ADGRG6: variants seen among roughly 807,000 people sequenced by gnomAD.
ADGRG6 encodes adhesion G protein-coupled receptor G6.
ADGRG6 carries 84 observed loss-of-function variants against 142.4 expected under a neutral mutation model. The ratio of observed to expected loss-of-function variants is 0.59; its 90% CI spans 0.49 to 0.71. The LOEUF (loss-of-function observed/expected upper bound fraction) is 0.71, where lower values mean the gene tolerates loss of function less well. Among genes scored for constraint, ADGRG6 ranks in the 30% least tolerant of loss-of-function variants. The pLI is 0.00. For synonymous variants in ADGRG6, 521 were observed against 520.5 expected (o/e 1.00, Z -0.01); for missense variants, 1,367 against 1,466.6 (o/e 0.93, Z 1.11).
intron 2 of ADGRG6, among the ~76,000 whole-genome samples, chr6:142,344,850 GT>G (rs1174518657): frequency 1.3e-5 from 2 of 151,910 alleles, no homozygotes; most frequent in African/African-American, 4.8e-5. Flanking sequence ...CCATCAAGTT[GT>G]TTTGTGATAA....
chr6:142,397,768 T>G lies in ADGRG6; in HGVS notation c.1567+13T>G, dbSNP rs564069423. On this transcript the variant is annotated intron_variant, in intron 10 of 24. Coordinates refer to ENST00000367609, the MANE Select transcript of ADGRG6 (RefSeq NM_198569.3). ...GTGAGACAACTGGGTAAGTGACTAA[T>G]TTTTTTATAATATGCATTTTATACA... The G allele has an allele frequency of 3.3e-6, 5 of 1,507,680 alleles. No homozygotes were observed. In the African/African-American group the frequency reaches 7.2e-5, roughly 22 times the overall value. 93.4% of individuals were successfully genotyped at this position (1,507,680 alleles called of 1,614,324 possible).
At chr6:142,331,202 A>G (rs1298909544) in intron 2 of ADGRG6, among the ~76,000 whole-genome samples, 3 of 151,620 alleles carry the variant, frequency 2.0e-5, no homozygotes, top group Non-Finnish European at 4.4e-5. Context: ...TTTCCCCACT[A>G]AGGTCTAACC....
In ADGRG6 at chr6:142,392,711, G is replaced by A. The variant is rs190486186; in HGVS notation, c.1309-237G>A. ...ATATATAAGACTATGGGGTGTGTGG[G>A]GATAATACCTATTTCATTGGTTGTT... On this transcript the variant is annotated intron_variant, in intron 7 of 24. Transcript: ENST00000367609. 2.0e-4 allele frequency among the ~76,000 whole-genome samples: 30 copies of A among 151,920 alleles called. No individual in the cohort carries two copies. In the East Asian group the frequency reaches 2.9e-3, roughly 15 times the overall value.
At chr6:142,302,482 G>T in intron 1 of ADGRG6, 151 bp downstream of exon 1, 4 of 739,198 alleles carry the variant, frequency 5.4e-6, no homozygotes. Flanking sequence ...TCTTCAGTTT[G>T]CCCCTCGAGG....
chr6:142,344,255 T>G (rs1465839993), intron 2 of ADGRG6, among the ~76,000 whole-genome samples: 1 of 151,960 alleles, frequency 6.6e-6, no homozygotes, highest in East Asian at 1.9e-4. Context: ...AATACATACT[T>G]GAGAAAACAA....
At position 142,370,364 on chromosome 6, in the gene ADGRG6, A is replaced by G. The variant is rs1245704834; in HGVS notation, c.640A>G (p.Ser214Gly). ...YSNASFTQLL[S>G]FGKAKSGYFL... Reference sequence around the variant, plus strand: ...AAATGCATCCTTCACACAATTGCTCAGTTTTGGAAAGGCCAAGAGTGGCTA... The same window carrying G: ...AAATGCATCCTTCACACAATTGCTCGGTTTTGGAAAGGCCAAGAGTGGCTA... The change falls in exon 4 of 25, where the codon AGT becomes GGT. Residue 214 changes from serine (S) to glycine (G), a missense_variant. By Grantham distance (56) the Ser-to-Gly change is moderately conservative (BLOSUM62 0). Transcript: ENST00000367609. 2 of 1,613,428 alleles carry G rather than the reference A, an allele frequency of 1.2e-6. No individual in the cohort carries two copies. Among genetic ancestry groups the G allele is most frequent in the Admixed American group, 3.3e-5 (2 of 60,008 alleles).
intron 2 of ADGRG6, among the ~76,000 whole-genome samples, chr6:142,359,044 T>TA (rs35958800): frequency 0.024 from 3,361 of 139,914 alleles, 44 homozygotes; most frequent in Middle Eastern, 0.14. Context: ...CCTCTACAAT[T>TA]AAAAAAAAAA....
At chr6:142,341,700 G>C (rs922158891) in intron 2 of ADGRG6, among the ~76,000 whole-genome samples, 4 of 136,682 alleles carry the variant, frequency 2.9e-5, no homozygotes, top group African/African-American at 1.1e-4. Flanking sequence ...GACCTCATTG[G>C]AGAGCAAGAT....
In ADGRG6 at chr6:142,394,056, C is replaced by G; in HGVS notation, c.1424+98C>G. On this transcript the variant is annotated intron_variant, in intron 9 of 24. Coordinates refer to ENST00000367609, the MANE Select transcript of ADGRG6 (RefSeq NM_198569.3). ...AAAACAATTAGATAGGAAAGAAAAACTTAATCACATAGCACAGTTATTTCT... is the reference window on the plus strand; with the variant it reads ...AAAACAATTAGATAGGAAAGAAAAAGTTAATCACATAGCACAGTTATTTCT... The G allele has an allele frequency of 1.3e-5, 10 of 790,726 alleles. 1 individual carries two copies. The highest frequency in any genetic ancestry group is 2.4e-4 in the Middle Eastern group (1 of 4,250). The allele number at this position is 790,726 out of a possible 1,614,324, so 49.0% of individuals were successfully genotyped here. A position where few individuals can be genotyped will look rare whatever the true frequency, so the allele number is the denominator to read the frequency against.
Position 142,402,047 on chromosome 6 carries a change from C to A in ADGRG6, c.1733C>A (p.Ser578Tyr). The A allele has an allele frequency of 6.5e-7, 1 of 1,537,052 alleles. No homozygotes were observed. Among genetic ancestry groups the A allele is most frequent in the Non-Finnish European group, 8.9e-7 (1 of 1,118,070 alleles). Residue 578 changes from serine to tyrosine, a missense_variant, in exon 12 of 25, where the codon TCC becomes TAC. Ser to Tyr is a moderately radical substitution (Grantham distance 144). Transcript: ENST00000367609. ...ACCTACTGGGGACCTGTTGATATCTCCAACTGTTTAAGTAAGTGAGCAGTT... is the reference window on the plus strand; with the variant it reads ...ACCTACTGGGGACCTGTTGATATCTACAACTGTTTAAGTAAGTGAGCAGTT... ...LVTYWGPVDISNCLKEANEVA... is the reference protein window; with the variant it reads ...LVTYWGPVDIYNCLKEANEVA...
intron 2 of ADGRG6, among the ~76,000 whole-genome samples, chr6:142,362,717 G>A (rs905310205): frequency 7.2e-5 from 11 of 152,138 alleles, no homozygotes; most frequent in Admixed American, 6.5e-4. Context: ...TTTGATAAAT[G>A]CCAGCATCTA....
chr6:142,440,576 G>T (rs1777705645), intron 24 of ADGRG6, among the ~76,000 whole-genome samples: 1 of 152,118 alleles, frequency 6.6e-6, no homozygotes. Context: ...GATTACAGAC[G>T]TGAGCCACCA....
At chr6:142,437,029 A>T (rs1291067177) in intron 22 of ADGRG6, among the ~76,000 whole-genome samples, 2 of 152,218 alleles carry the variant, frequency 1.3e-5, no homozygotes, top group South Asian at 2.1e-4. Flanking sequence ...ATTGAAACAG[A>T]TGATGAGCTT....
chr6:142,430,176 C>T (rs995931352), intron 22 of ADGRG6, among the ~76,000 whole-genome samples: 1 of 152,208 alleles, frequency 6.6e-6, no homozygotes, highest in African/African-American at 2.4e-5. Flanking sequence ...TTATCTATAT[C>T]TGCAAGTCTT....
Position 142,392,369 on chromosome 6 carries a change from A to G in ADGRG6, c.1309-579A>G, listed in dbSNP as rs573977636. ...TTATGCTGAGACCATAAAGACTGCT[A>G]AATAACCACATAATAAATACATAGT... On this transcript the variant is annotated intron_variant, in intron 7 of 24. Coordinates refer to ENST00000367609, the MANE Select transcript of ADGRG6 (RefSeq NM_198569.3). Among the ~76,000 whole-genome samples, 3 of 152,064 alleles carry G rather than the reference A, an allele frequency of 2.0e-5. 1 individual carries two copies. The South Asian group carries it at 6.2e-4, about 31-fold the overall frequency.
chr6:142,393,012 T>C lies in ADGRG6; in HGVS notation c.1361+12T>C. On this transcript the variant is annotated intron_variant, in intron 8 of 24. Transcript: ENST00000367609. ...GTCGTTAATATCAGGTAAGACAGAA[T>C]AAATTATTTGATAAATTAAAAGTAG... 7.0e-7 allele frequency: 1 copy of C among 1,423,616 alleles called. No individual in the cohort carries two copies. The highest frequency in any genetic ancestry group is 1.2e-5 in the South Asian group (1 of 85,020). 88.2% of individuals were successfully genotyped at this position (1,423,616 alleles called of 1,614,324 possible). A position where few individuals can be genotyped will look rare whatever the true frequency, so the allele number is the denominator to read the frequency against.
At chr6:142,318,150 T>A (rs1338232812) in intron 2 of ADGRG6, among the ~76,000 whole-genome samples, 2 of 1,566 alleles carry the variant, frequency 1.3e-3, no homozygotes, top group Non-Finnish European at 1.8e-3. Flanking sequence ...TAATATATAT[T>A]ATATATTATA....
chr6:142,393,755 G>T, intron 8 of ADGRG6, 141 bp from the exon 9 acceptor site: 1 of 586,394 alleles, frequency 1.7e-6, no homozygotes, highest in Non-Finnish European at 3.1e-6. Flanking sequence ...CTTTCTGAAA[G>T]AAGCTAGAAC....
At chr6:142,406,711 T>C (rs1381531424) in intron 15 of ADGRG6, among the ~76,000 whole-genome samples, 2 of 152,212 alleles carry the variant, frequency 1.3e-5, no homozygotes, top group African/African-American at 4.8e-5. Flanking sequence ...ACAAATTTGG[T>C]GATTTATATG....
Sources: gnomAD v4.1 joint callset for allele counts (sites outside exome capture counted in the v4.1 genomes callset) on GRCh38, gnomAD v4.1.1 for gene constraint, MANE v1.5 for transcripts, NCBI Gene and HGNC (gene_info 2026-07-23, HGNC 2026-07-21) for gene names.